Variants in CHN1 observed in about 807,000 individuals in gnomAD.
CHN1 encodes N-chimaerin.
A neutral mutation model predicts 59.5 loss-of-function variants in CHN1; 37 were observed. The observed-to-expected ratio is 0.62, with a 90% CI of 0.48 to 0.82. CHN1 has a LOEUF of 0.82. Among genes scored for constraint, CHN1 ranks in the 40% least tolerant of loss-of-function variants. The probability of loss-of-function intolerance (pLI) is 0.00; values close to 1 mark genes in which losing one functional copy is unlikely to be tolerated. For missense variants in CHN1, 469 were observed against 571.0 expected (o/e 0.82, Z 1.82); for synonymous variants, 206 against 200.4 (o/e 1.03, Z -0.24).
chr2:174,959,057 T>A (rs970557894), intron 1 of CHN1, among the ~76,000 whole-genome samples: 2 of 152,232 alleles, frequency 1.3e-5, no homozygotes, highest in African/African-American at 4.8e-5. Context: ...AATATTCTTT[T>A]AATATTTCTT....
chr2:174,988,846 C>G (rs1232895300), intron 1 of CHN1, among the ~76,000 whole-genome samples: 3 of 152,130 alleles, frequency 2.0e-5, no homozygotes, highest in Admixed American at 1.3e-4. Context: ...TTTGAAAGAA[C>G]ACAAGGGTTT....
chr2:174,933,937 G>A (rs1262871864), intron 3 of CHN1, among the ~76,000 whole-genome samples: 4 of 152,136 alleles, frequency 2.6e-5, no homozygotes, highest in African/African-American at 7.2e-5. Flanking sequence ...TCTTCTGATG[G>A]CTTTAAGCAG....
chr2:174,811,667 G>A, intron 9 of CHN1, 79 bp from the exon 10 acceptor site: 1 of 795,190 alleles, frequency 1.3e-6, no homozygotes, highest in East Asian at 2.7e-5. Flanking sequence ...AAGCTGGGAG[G>A]TAATGTGTCA....
At chr2:174,925,677 G>A (rs1307929159) in intron 3 of CHN1, among the ~76,000 whole-genome samples, 1 of 152,156 alleles carries the variant, frequency 6.6e-6, no homozygotes, top group East Asian at 1.9e-4. Flanking sequence ...TCTTTCTACC[G>A]ACTTCAAGTC....
intron 3 of CHN1, among the ~76,000 whole-genome samples, chr2:174,926,333 C>A (rs1009533098): frequency 2.0e-5 from 3 of 151,914 alleles, no homozygotes; most frequent in African/African-American, 7.3e-5. Flanking sequence ...CCCTGAGTAG[C>A]TGGGACTACA....
intron 8 of CHN1, among the ~76,000 whole-genome samples, chr2:174,816,527 G>C (rs1055928754): frequency 1.3e-5 from 2 of 152,136 alleles, no homozygotes; most frequent in East Asian, 1.9e-4. Flanking sequence ...GCCTTTTTTG[G>C]GGATTATTTT....
chr2:174,934,575 GAA>G (rs1328759248), intron 3 of CHN1, among the ~76,000 whole-genome samples: 1 of 152,200 alleles, frequency 6.6e-6, no homozygotes, highest in Non-Finnish European at 1.5e-5. Context: ...TGAGAAGAGA[GAA>G]AGGGCATGAC....
At chr2:174,987,864 G>GT (rs1174170064) in intron 1 of CHN1, among the ~76,000 whole-genome samples, 1 of 152,110 alleles carries the variant, frequency 6.6e-6, no homozygotes, top group East Asian at 1.9e-4. Flanking sequence ...ATATAGATGT[G>GT]TTGTCTTCTT....
intron 7 of CHN1, among the ~76,000 whole-genome samples, chr2:174,836,920 T>G (rs1208248810): frequency 1.3e-5 from 2 of 152,220 alleles, no homozygotes; most frequent in African/African-American, 2.4e-5. Flanking sequence ...ACAGTCATCT[T>G]GTCACCAGAG....
intron 7 of CHN1, among the ~76,000 whole-genome samples, chr2:174,825,314 T>C (rs116206272): frequency 0.011 from 1,660 of 152,296 alleles, 21 homozygotes; most frequent in African/African-American, 0.038. Flanking sequence ...AAAGGCCCAA[T>C]TTCTGTTTAA....
chr2:174,962,014 C>A (rs1195488258), intron 1 of CHN1, among the ~76,000 whole-genome samples: 1 of 152,142 alleles, frequency 6.6e-6, no homozygotes. Context: ...GGGCCAGGCG[C>A]GGTGGCTCAC....
At chr2:174,821,415 A>G (rs1685492485) in intron 8 of CHN1, among the ~76,000 whole-genome samples, 1 of 152,104 alleles carries the variant, frequency 6.6e-6, no homozygotes, top group Non-Finnish European at 1.5e-5. Context: ...AAGGGCCATT[A>G]TGATTGTGAT....
intron 8 of CHN1, among the ~76,000 whole-genome samples, chr2:174,816,353 AG>A: frequency 6.6e-6 from 1 of 152,312 alleles, no homozygotes; most frequent in African/African-American, 2.4e-5. Flanking sequence ...TGCTATTGCA[AG>A]GTGGTGGTGG....
At chr2:174,855,894 G>A (rs1007871874) in intron 6 of CHN1, among the ~76,000 whole-genome samples, 7 of 152,190 alleles carry the variant, frequency 4.6e-5, no homozygotes, top group African/African-American at 1.7e-4. Context: ...CATGATGAAA[G>A]TAAGACTTGA....
chr2:175,004,382 A>C (rs1691992012), intron 1 of CHN1, among the ~76,000 whole-genome samples: 1 of 152,166 alleles, frequency 6.6e-6, no homozygotes, highest in Admixed American at 6.5e-5. Flanking sequence ...TTCAATTTTA[A>C]CCCATATTCA....
intron 6 of CHN1, among the ~76,000 whole-genome samples, chr2:174,869,508 T>TAACAG (rs1558959886): frequency 6.6e-6 from 1 of 151,534 alleles, no homozygotes; most frequent in Non-Finnish European, 1.5e-5. Flanking sequence ...TCCTGGGGTC[T>TAACAG]GGGTGGGGGT....
At chr2:174,914,226 G>T (rs144750794) in intron 5 of CHN1, among the ~76,000 whole-genome samples, 3 of 152,300 alleles carry the variant, frequency 2.0e-5, no homozygotes, top group African/African-American at 7.2e-5. Flanking sequence ...AAGTCCAGTG[G>T]ATAAGTATGC....
chr2:174,832,281 A>G (rs543546013), intron 7 of CHN1, among the ~76,000 whole-genome samples: 2 of 152,024 alleles, frequency 1.3e-5, no homozygotes, highest in Non-Finnish European at 2.9e-5. Context: ...GGATTTAAAA[A>G]ATTCTGTTTT....
chr2:174,849,628 G>T (rs374399733), intron 6 of CHN1, among the ~76,000 whole-genome samples: 2 of 152,052 alleles, frequency 1.3e-5, no homozygotes, highest in East Asian at 3.8e-4. Context: ...ATATCTAGTA[G>T]ATAGCCATCT....
Sources: allele counts gnomAD v4.1 joint callset (sites outside exome capture counted in the v4.1 genomes callset), GRCh38; gene constraint gnomAD v4.1.1; transcripts MANE v1.5; gene names NCBI Gene and HGNC (gene_info 2026-07-23, HGNC 2026-07-21).